VTI1A: variants seen among roughly 807,000 people sequenced by gnomAD.
The protein encoded by VTI1A is vesicle transport through interaction with t-SNAREs 1A, also known as vesicle transport through interaction with t-SNAREs homolog 1A.
In VTI1A, 22 loss-of-function variants were observed where a neutral mutation model predicts 34.9. The ratio of observed to expected loss-of-function variants is 0.63; its 90% CI spans 0.45 to 0.90. The LOEUF (loss-of-function observed/expected upper bound fraction) is 0.90. VTI1A is among the 40% of genes least tolerant of loss of function. VTI1A has a pLI of 0.00. For synonymous variants in VTI1A, 87 were observed against 97.3 expected, an observed-to-expected ratio of 0.89 and a Z score of 0.62; for missense variants, 268 against 275.6, an observed-to-expected ratio of 0.97 and a Z score of 0.20.
In VTI1A at chr10:112,767,417, C is replaced by T. The variant is rs1851680377; in HGVS notation, c.561-47873C>T. Reference sequence around the variant, plus strand: ...CCTTCTTCACCTGGAGGCAGCAAACCCTGATTGCAGACCCAGTGCCTAAAA... The same window carrying T: ...CCTTCTTCACCTGGAGGCAGCAAACTCTGATTGCAGACCCAGTGCCTAAAA... On this transcript the variant is annotated intron_variant, in intron 7 of 7. Transcript: ENST00000393077. The surrounding 1 kb of genome is among the most constrained non-coding windows in gnomAD (Gnocchi z 4.0). Among the ~76,000 whole-genome samples, 2 of 152,170 alleles carry T rather than the reference C, an allele frequency of 1.3e-5. No homozygotes were observed. The highest frequency in any genetic ancestry group is 1.5e-5 in the Non-Finnish European group (1 of 68,050).
rs1186977100 is a variant in VTI1A at position 112,520,619 on chromosome 10, A to ATT, written c.265-6467_265-6466insTT. 2.5e-5 allele frequency among the ~76,000 whole-genome samples: 3 copies of ATT among 118,276 alleles called. No homozygotes were observed. The South Asian group carries it at 1.1e-3, about 42-fold the overall frequency. The allele number at this position is 118,276 out of a possible 152,430, so 77.6% of individuals were successfully genotyped here. ...ATTGCAAATGGGTTTTTTAGTCTCT[A>ATT]TATGTGTGTGTGTGTGTGTGTGTGT... is the stretch of plus-strand genomic sequence containing the variant. On this transcript the variant is annotated intron_variant, in intron 3 of 7. Transcript: ENST00000393077.
intron 5 of VTI1A, among the ~76,000 whole-genome samples, chr10:112,623,372 G>C (rs1336012213): frequency 6.6e-6 from 1 of 151,780 alleles, no homozygotes; most frequent in Non-Finnish European, 1.5e-5. Flanking sequence ...AAAAAGTCAG[G>C]GCATGTGTGT....
At chr10:112,479,541 A>G (rs983035359) in intron 3 of VTI1A, among the ~76,000 whole-genome samples, 1 of 152,188 alleles carries the variant, frequency 6.6e-6, no homozygotes, top group Admixed American at 6.5e-5. Flanking sequence ...GAAGAGACTC[A>G]AAGTCCTCAC....
intron 5 of VTI1A, among the ~76,000 whole-genome samples, chr10:112,596,883 T>C (rs1844667822): frequency 6.6e-6 from 1 of 152,222 alleles, no homozygotes. Flanking sequence ...GTGGTATACT[T>C]TTTTCAAATT....
chr10:112,571,643 T>C (rs978000519), intron 5 of VTI1A, among the ~76,000 whole-genome samples: 24 of 152,152 alleles, frequency 1.6e-4, no homozygotes, highest in African/African-American at 5.6e-4. Flanking sequence ...TGGATATGTA[T>C]ATATCCAAAG....
At chr10:112,839,779 CA>C in the VTI1A span, among the ~76,000 whole-genome samples, 1 of 152,178 alleles carries the variant, frequency 6.6e-6, no homozygotes, top group Non-Finnish European at 1.5e-5. Flanking sequence ...AAAGCAGGGC[CA>C]CTTCCCTCTC....
At position 112,668,232 on chromosome 10, in the gene VTI1A, G is replaced by A. The variant is rs375862922; in HGVS notation, c.442G>A (p.Glu148Lys). 9.9e-6 allele frequency: 16 copies of A among 1,612,422 alleles called. No homozygotes were observed. In the African/African-American group the frequency reaches 1.9e-4, roughly 19 times the overall value. The change falls in exon 6 of 8, where the codon GAG becomes AAG. Residue 148 changes from glutamate (E) to lysine (K), a missense_variant. Glu to Lys is a moderately conservative substitution (Grantham distance 56). Coordinates refer to ENST00000393077, the MANE Select transcript of VTI1A (RefSeq NM_145206.4). The part of the protein sequence containing the change: ...IAVETEQIGQ[E>K]MLENLSHDRE... ...CTTTTCCGTAGAGCAAATTGGTCAG[G>A]AGATGTTGGAAAACCTTAGTCATGA...
intron 1 of VTI1A, among the ~76,000 whole-genome samples, chr10:112,457,638 G>C (rs544521878): frequency 6.6e-6 from 1 of 152,256 alleles, no homozygotes; most frequent in Non-Finnish European, 1.5e-5. Flanking sequence ...AAATATATCA[G>C]CGTTAGAGAT....
In VTI1A at chr10:112,750,600, A is replaced by G. The variant is rs973514656; in HGVS notation, c.561-64690A>G. Among the ~76,000 whole-genome samples the G allele has an allele frequency of 2.0e-5, 3 of 152,174 alleles. No homozygotes were observed. In the East Asian group the frequency reaches 5.8e-4, roughly 29 times the overall value. On this transcript the variant is annotated intron_variant, in intron 7 of 7. Coordinates refer to ENST00000393077, the MANE Select transcript of VTI1A (RefSeq NM_145206.4). Reference sequence around the variant, plus strand: ...CAACTTAAGCTTTTGTGGGAGAACAAACTAACTGAGCTGCCTCTCACCTAG... The same window carrying G: ...CAACTTAAGCTTTTGTGGGAGAACAGACTAACTGAGCTGCCTCTCACCTAG...
At chr10:112,628,029 C>T (rs908880055) in intron 5 of VTI1A, among the ~76,000 whole-genome samples, 1 of 152,078 alleles carries the variant, frequency 6.6e-6, no homozygotes, top group Admixed American at 6.5e-5. Context: ...TTCTAGACTA[C>T]GTATGCAAAA....
intron 3 of VTI1A, among the ~76,000 whole-genome samples, chr10:112,518,309 A>G (rs1025576461): frequency 2.0e-5 from 3 of 152,048 alleles, no homozygotes; most frequent in Non-Finnish European, 4.4e-5. Flanking sequence ...AACTCCCACA[A>G]GCTTAGCGTT....
At chr10:112,523,813 C>T (rs1850117908) in intron 3 of VTI1A, among the ~76,000 whole-genome samples, 1 of 152,078 alleles carries the variant, frequency 6.6e-6, no homozygotes, top group South Asian at 2.1e-4. Flanking sequence ...TTATAAAATG[C>T]ATTATGAATT....
chr10:112,527,080 T>G lies in VTI1A; in HGVS notation c.265-7T>G. The G allele has an allele frequency of 6.2e-7, 1 of 1,612,302 alleles. No homozygotes were observed. The highest frequency in any genetic ancestry group is 1.7e-4 in the Middle Eastern group (1 of 6,054). ...CTCACTCTCTCCCTTTTTGTTTTGTTTTATAGAAAAGGTCACGGATCGCCT... is the reference window on the plus strand; with the variant it reads ...CTCACTCTCTCCCTTTTTGTTTTGTGTTATAGAAAAGGTCACGGATCGCCT... On this transcript the variant is annotated splice_polypyrimidine_tract_variant and splice_region_variant and intron_variant, in intron 3 of 7. Transcript: ENST00000393077.
chr10:112,756,640 C>G (rs1314414389), intron 7 of VTI1A, among the ~76,000 whole-genome samples: 1 of 152,150 alleles, frequency 6.6e-6, no homozygotes, highest in Non-Finnish European at 1.5e-5. Flanking sequence ...GAGGTGAAAT[C>G]TGGTCTATGA....
chr10:112,618,964 T>A (rs184089525), intron 5 of VTI1A, among the ~76,000 whole-genome samples: 1 of 152,208 alleles, frequency 6.6e-6, no homozygotes, highest in Non-Finnish European at 1.5e-5. Context: ...ATCAACCAAT[T>A]ATTAATTAGC....
intron 7 of VTI1A, among the ~76,000 whole-genome samples, chr10:112,713,065 C>G (rs554201426): frequency 2.0e-5 from 3 of 152,212 alleles, no homozygotes; most frequent in African/African-American, 7.2e-5. Context: ...TTCTGTGTTT[C>G]CATGGCCATC....
chr10:112,633,531 C>G (rs974470335), intron 5 of VTI1A, among the ~76,000 whole-genome samples: 1 of 152,096 alleles, frequency 6.6e-6, no homozygotes, highest in Non-Finnish European at 1.5e-5. Context: ...AGGCAAAACA[C>G]CGGGGCTGGA....
At chr10:112,765,219 GTT>G (rs1228019062) in intron 7 of VTI1A, among the ~76,000 whole-genome samples, 1 of 146,028 alleles carries the variant, frequency 6.8e-6, no homozygotes, top group African/African-American at 2.7e-5. Context: ...GTTTTGTTTT[GTT>G]TTTTTGAGAC....
In VTI1A at chr10:112,786,641, A is replaced by C. The variant is rs369389391; in HGVS notation, c.561-28649A>C. 1.9e-3 allele frequency among the ~76,000 whole-genome samples: 296 copies of C among 152,338 alleles called. 1 individual carries two copies. Among genetic ancestry groups the C allele is most frequent in the African/African-American group, 6.9e-3 (285 of 41,586 alleles). ...TATTCCAAGTTTGTCGAGAGTTTCT[A>C]TCATGAGTAGGTGTTACATTTTGCC... On this transcript the variant is annotated intron_variant, in intron 7 of 7. Transcript: ENST00000393077.
Sources: gnomAD v4.1 joint callset for allele counts (sites outside exome capture counted in the v4.1 genomes callset) on GRCh38, gnomAD v4.1.1 for gene constraint, Gnocchi (gnomAD v3.1) non-coding constraint, MANE v1.5 for transcripts, NCBI Gene and HGNC (gene_info 2026-07-23, HGNC 2026-07-21) for gene names.